LRRC42: variants seen among roughly 807,000 people sequenced by gnomAD.
The protein encoded by LRRC42 is leucine-rich repeat-containing protein 42.
Under a neutral mutation model 44.3 loss-of-function variants are expected in LRRC42, and 43 were observed. That is an observed-to-expected ratio of 0.97 (90% CI 0.76 to 1.25). The LOEUF is 1.25. Among genes scored for constraint, LRRC42 ranks in the 50% most tolerant of loss-of-function variants. The probability of loss-of-function intolerance (pLI) is 0.00; values close to 1 mark genes in which losing one functional copy is unlikely to be tolerated. For synonymous variants in LRRC42, 207 were observed against 195.2 expected (o/e 1.06, Z -0.50); for missense variants, 540 against 509.1 (o/e 1.06, Z -0.58).
intron 5 of LRRC42, among the ~76,000 whole-genome samples, chr1:53,960,867 G>C (rs951248618): frequency 6.6e-6 from 1 of 152,112 alleles, no homozygotes; most frequent in Non-Finnish European, 1.5e-5. Flanking sequence ...CTGGATGAAC[G>C]GATAATTTAC....
chr1:53,965,727 G>A (rs1655114486), intron 7 of LRRC42, among the ~76,000 whole-genome samples: 1 of 151,844 alleles, frequency 6.6e-6, no homozygotes, highest in African/African-American at 2.4e-5. Context: ...CGCCCGCCTC[G>A]GCCTCCCAAA....
intron 7 of LRRC42, among the ~76,000 whole-genome samples, chr1:53,964,041 C>T (rs1051502166): frequency 6.8e-6 from 1 of 146,374 alleles, no homozygotes; most frequent in African/African-American, 2.5e-5. Context: ...CCTCATTCCC[C>T]AGTGCAGCTG....
At chr1:53,963,947 A>ACCCCC (rs5774166) in intron 7 of LRRC42, among the ~76,000 whole-genome samples, 3 of 82,270 alleles carry the variant, frequency 3.6e-5, no homozygotes, top group African/African-American at 4.8e-5. Flanking sequence ...CCTCCTGCCC[A>ACCCCC]CCCCCCCCCC....
intron 2 of LRRC42, 111 bp from the exon 3 acceptor site, chr1:53,951,875 G>A: frequency 1.1e-6 from 1 of 884,688 alleles, no homozygotes. Flanking sequence ...TCCTAAACCA[G>A]CCACCAGGCC....
intron 3 of LRRC42, among the ~76,000 whole-genome samples, chr1:53,956,758 T>C (rs1654852224): frequency 1.3e-5 from 2 of 152,376 alleles, no homozygotes; most frequent in South Asian, 4.1e-4. Context: ...TTAATCACAT[T>C]ACACAGTGTT....
intron 3 of LRRC42, among the ~76,000 whole-genome samples, chr1:53,954,619 T>A (rs576123705): frequency 6.5e-4 from 99 of 152,334 alleles, no homozygotes; most frequent in African/African-American, 2.2e-3. Flanking sequence ...TTTTTATACA[T>A]TTGGGAATAT....
At chr1:53,964,901 G>A (rs1655086264) in intron 7 of LRRC42, among the ~76,000 whole-genome samples, 1 of 151,984 alleles carries the variant, frequency 6.6e-6, no homozygotes, top group African/African-American at 2.4e-5. Context: ...GCCCAGGCTG[G>A]TCTCGAACTC....
chr1:53,962,858 TGAG>T (rs1485504849), intron 7 of LRRC42, among the ~76,000 whole-genome samples: 2 of 152,182 alleles, frequency 1.3e-5, no homozygotes, highest in Admixed American at 1.3e-4. Context: ...ACAGCCTTAG[TGAG>T]GAGGTGTCTT....
At chr1:53,957,420 C>T (rs140397515) in intron 3 of LRRC42, among the ~76,000 whole-genome samples, 16 of 152,284 alleles carry the variant, frequency 1.1e-4, no homozygotes, top group Admixed American at 1.3e-4. Context: ...GGGTGGAGGC[C>T]CCAGCCTGGG....
At chr1:53,960,693 T>A (rs1654972638) in intron 5 of LRRC42, among the ~76,000 whole-genome samples, 1 of 152,174 alleles carries the variant, frequency 6.6e-6, no homozygotes, top group Non-Finnish European at 1.5e-5. Flanking sequence ...GGAAAAACCC[T>A]TACACATTCA....
chr1:53,966,576 T>C (rs768489382), intron 8 of LRRC42, among the ~76,000 whole-genome samples, 196 bp downstream of exon 8: 8 of 152,206 alleles, frequency 5.3e-5, no homozygotes, highest in Non-Finnish European at 8.8e-5. Flanking sequence ...GGAAGACAGC[T>C]TTTTAAAATT....
At chr1:53,948,752 C>T (rs1654594181) in intron 2 of LRRC42, among the ~76,000 whole-genome samples, 1 of 152,174 alleles carries the variant, frequency 6.6e-6, no homozygotes, top group Non-Finnish European at 1.5e-5. Context: ...TTGTAATACA[C>T]CACCCAGTAC....
chr1:53,963,111 G>A (rs1655039454), intron 7 of LRRC42, among the ~76,000 whole-genome samples: 1 of 152,078 alleles, frequency 6.6e-6, no homozygotes, highest in African/African-American at 2.4e-5. Context: ...GAGGCCTAGA[G>A]GACCCACCAA....
chr1:53,964,201 G>A (rs1569847327), intron 7 of LRRC42, among the ~76,000 whole-genome samples: 1 of 151,976 alleles, frequency 6.6e-6, no homozygotes, highest in East Asian at 1.9e-4. Flanking sequence ...TGCAGCATTC[G>A]ATAGAAACAT....
chr1:53,963,401 T>A (rs1009067800), intron 7 of LRRC42, among the ~76,000 whole-genome samples: 2 of 152,162 alleles, frequency 1.3e-5, no homozygotes, highest in Admixed American at 6.5e-5. Flanking sequence ...TGGTAGCAGG[T>A]GACATGGTGG....
In LRRC42 at chr1:53,959,591, A is replaced by G. The variant is rs115832093; in HGVS notation, c.606-765A>G. Reference sequence around the variant, plus strand: ...ATTAATATACCAATTCCAGCTTAGCATCAGATGGATTGGATTATGGGTATA... The same window carrying G: ...ATTAATATACCAATTCCAGCTTAGCGTCAGATGGATTGGATTATGGGTATA... On this transcript the variant is annotated intron_variant, in intron 4 of 8. Coordinates refer to ENST00000371370, the MANE Select transcript of LRRC42 (RefSeq NM_001256409.2). Among the ~76,000 whole-genome samples, 828 of 152,350 alleles carry G rather than the reference A, an allele frequency of 5.4e-3. 2 individuals carry two copies. The highest frequency in any genetic ancestry group is 8.8e-3 in the Non-Finnish European group (597 of 68,032).
chr1:53,960,528 A>G (rs1355284679), intron 5 of LRRC42, 54 bp downstream of exon 5: 2 of 1,254,560 alleles, frequency 1.6e-6, no homozygotes, highest in Non-Finnish European at 2.3e-6. Context: ...ATGGCCTTAG[A>G]GATCATGTAG....
rs1040366707 is a variant in LRRC42 at position 53,960,535 on chromosome 1, G to A, written c.724+61G>A. On this transcript the variant is annotated intron_variant, in intron 5 of 8. Transcript: ENST00000371370. ...TTGGAAGAATGGCCTTAGAGATCAT[G>A]TAGTTCTTCCTCTTCATTTTAGAGG... 5.0e-6 allele frequency: 6 copies of A among 1,205,844 alleles called. No individual in the cohort carries two copies. The African/African-American group carries it at 6.1e-5, about 12-fold the overall frequency. 74.7% of individuals were successfully genotyped at this position (1,205,844 alleles called of 1,614,324 possible).
At chr1:53,961,912 GT>G in intron 5 of LRRC42, 121 bp from the exon 6 acceptor site, 1 of 681,970 alleles carries the variant, frequency 1.5e-6, no homozygotes, top group Admixed American at 2.8e-5. Context: ...ACTTTGAAAA[GT>G]TTGCCAACTC....
Sources: allele counts gnomAD v4.1 joint callset (sites outside exome capture counted in the v4.1 genomes callset), GRCh38; gene constraint gnomAD v4.1.1; transcripts MANE v1.5; gene names NCBI Gene and HGNC (gene_info 2026-07-23, HGNC 2026-07-21).